Variants in FBXO42 observed in about 807,000 individuals in gnomAD.
The protein encoded by FBXO42 is F-box protein 42, also known as F-box only protein 42.
In FBXO42, 12 loss-of-function variants were observed where a neutral mutation model predicts 71.7. The observed-to-expected ratio is 0.17, with a 90% confidence interval of 0.11 to 0.27. The LOEUF (loss-of-function observed/expected upper bound fraction) is 0.27, where lower values mean the gene tolerates loss of function less well. Ranked by LOEUF, FBXO42 falls within the 10% of genes least tolerant of loss-of-function variation. FBXO42 has a pLI of 1.00. For synonymous variants in FBXO42, 325 were observed against 327.5 expected, an observed-to-expected ratio of 0.99 and a Z score of 0.08; for missense variants, 707 against 911.9, an observed-to-expected ratio of 0.78 and a Z score of 2.89.
chr1:16,266,971 G>A (rs1282758869), intron 4 of FBXO42, among the ~76,000 whole-genome samples: 2 of 152,144 alleles, frequency 1.3e-5, no homozygotes, highest in Non-Finnish European at 2.9e-5. Flanking sequence ...TGATTTTACA[G>A]GCAATACTTC....
At chr1:16,328,921 T>G (rs1252381701) in intron 1 of FBXO42, among the ~76,000 whole-genome samples, 4 of 151,792 alleles carry the variant, frequency 2.6e-5, no homozygotes, top group African/African-American at 9.7e-5. Flanking sequence ...TCCCAGCACT[T>G]TGGGAGGCTG....
At chr1:16,340,889 A>C (rs1227565897) in intron 1 of FBXO42, among the ~76,000 whole-genome samples, 2 of 152,178 alleles carry the variant, frequency 1.3e-5, no homozygotes, top group African/African-American at 4.8e-5. Context: ...AATGAGTAGC[A>C]AAAATAGAAA....
chr1:16,351,610 C>T (rs1416187577), intron 1 of FBXO42, among the ~76,000 whole-genome samples: 1 of 152,180 alleles, frequency 6.6e-6, no homozygotes, highest in Admixed American at 6.5e-5. Flanking sequence ...ATCGTTTTCT[C>T]TTCGCTTACA....
chr1:16,319,100 T>C (rs4661737), intron 1 of FBXO42, among the ~76,000 whole-genome samples: 41,503 of 152,046 alleles, frequency 0.27, 6,556 homozygotes, highest in Non-Finnish European at 0.37. Context: ...CTAGCACTGA[T>C]GAAAGGAAGA....
intron 4 of FBXO42, among the ~76,000 whole-genome samples, chr1:16,261,375 G>A (rs534787962): frequency 3.3e-5 from 5 of 152,150 alleles, no homozygotes; most frequent in African/African-American, 4.8e-5. Flanking sequence ...CCAAAACGAC[G>A]TCTCAGATAT....
chr1:16,252,498 G>C lies in FBXO42; in HGVS notation c.922-94C>G. On this transcript the variant is annotated intron_variant, in intron 8 of 9. Transcript: ENST00000375592. The surrounding 1 kb of genome is among the most constrained non-coding windows in gnomAD (Gnocchi z 4.4). ...TGCAGTCTCAAAGCTCTCCTGTCTG[G>C]TCTTGAAAGGATGTGGACTCTTCAG... is the stretch of plus-strand genomic sequence containing the variant. 2.0e-6 allele frequency: 2 copies of C among 988,686 alleles called. No individual in the cohort carries two copies. 61.2% of individuals were successfully genotyped at this position (988,686 alleles called of 1,614,324 possible). A position where few individuals can be genotyped will look rare whatever the true frequency, so the allele number is the denominator to read the frequency against.
chr1:16,286,266 A>T (rs2082020570), intron 4 of FBXO42, among the ~76,000 whole-genome samples: 1 of 152,146 alleles, frequency 6.6e-6, no homozygotes, highest in Non-Finnish European at 1.5e-5. Context: ...CAGTGCTATG[A>T]AGAAATACCC....
chr1:16,268,695 A>G (rs2081803989), intron 4 of FBXO42, among the ~76,000 whole-genome samples: 1 of 152,128 alleles, frequency 6.6e-6, no homozygotes, highest in African/African-American at 2.4e-5. Context: ...CGGGCACAGC[A>G]GCTCACGCCT....
Position 16,250,246 on chromosome 1 carries a change from T to G in FBXO42, c.*424A>C, listed in dbSNP as rs2081576963. 6.6e-6 allele frequency: 1 copy of G among 152,564 alleles called. No homozygotes were observed. The highest frequency in any genetic ancestry group is 2.1e-4 in the South Asian group (1 of 4,834). 9.5% of individuals were successfully genotyped at this position (152,564 alleles called of 1,614,324 possible). A position where few individuals can be genotyped will look rare whatever the true frequency, so the allele number is the denominator to read the frequency against. The stretch of plus-strand genomic sequence containing the variant: ...TCTAAAACCCTCCACCTTTGCAACT[T>G]ACATATGCCCTTTCATTTTTTAACT... On this transcript the variant is annotated 3_prime_UTR_variant, in exon 10 of 10. Coordinates refer to ENST00000375592, the MANE Select transcript of FBXO42 (RefSeq NM_018994.3). The surrounding 1 kb of genome is among the most constrained non-coding windows in gnomAD (Gnocchi z 4.7).
At chr1:16,269,374 C>T (rs2081814060) in intron 4 of FBXO42, among the ~76,000 whole-genome samples, 1 of 151,270 alleles carries the variant, frequency 6.6e-6, no homozygotes. Context: ...CAGGTATAAA[C>T]CACCGAACCC....
At chr1:16,297,348 T>C (rs2100536830) in intron 3 of FBXO42, among the ~76,000 whole-genome samples, 1 of 152,184 alleles carries the variant, frequency 6.6e-6, no homozygotes, top group Middle Eastern at 3.4e-3. Flanking sequence ...TAAGAGGTAA[T>C]GAAAGCAGTA....
intron 1 of FBXO42, among the ~76,000 whole-genome samples, chr1:16,344,542 G>A (rs1468723940): frequency 6.9e-6 from 1 of 145,268 alleles, no homozygotes; most frequent in African/African-American, 2.6e-5. Flanking sequence ...CCCCATGTTG[G>A]CCAGGCTGGT....
At chr1:16,259,925 G>A (rs1490095506) in intron 4 of FBXO42, among the ~76,000 whole-genome samples, 3 of 152,142 alleles carry the variant, frequency 2.0e-5, no homozygotes, top group Non-Finnish European at 4.4e-5. Context: ...GCCCAACAAA[G>A]TCACCACTGG....
At chr1:16,266,990 A>C (rs975124485) in intron 4 of FBXO42, among the ~76,000 whole-genome samples, 1 of 152,220 alleles carries the variant, frequency 6.6e-6, no homozygotes, top group African/African-American at 2.4e-5. Flanking sequence ...TCGTAAGGGC[A>C]ACAACAAAAG....
At chr1:16,333,439 C>CG (rs965893385) in intron 1 of FBXO42, among the ~76,000 whole-genome samples, 4 of 128,354 alleles carry the variant, frequency 3.1e-5, no homozygotes, top group African/African-American at 5.5e-5. Flanking sequence ...TAGTGAGACC[C>CG]CCCCCCCCCA....
At chr1:16,350,703 T>C (rs2082692004) in intron 1 of FBXO42, among the ~76,000 whole-genome samples, 1 of 129,250 alleles carries the variant, frequency 7.7e-6, no homozygotes. Context: ...GCCGAGACTG[T>C]GCTACTGCAC....
intron 4 of FBXO42, chr1:16,293,047 T>C (rs531611439): frequency 1.3e-5 from 2 of 152,378 alleles, no homozygotes; most frequent in African/African-American, 4.8e-5. Context: ...AAGTGCAATA[T>C]GGTATAAAGG....
chr1:16,311,503 A>ATATAT (rs1274920904), intron 2 of FBXO42, among the ~76,000 whole-genome samples: 91 of 65,502 alleles, frequency 1.4e-3, no homozygotes, highest in South Asian at 8.5e-3. Flanking sequence ...AAAAAAAAAA[A>ATATAT]ATATATATAT....
chr1:16,330,403 G>T (rs187953999), intron 1 of FBXO42, among the ~76,000 whole-genome samples: 42 of 151,954 alleles, frequency 2.8e-4, no homozygotes, highest in African/African-American at 9.2e-4. Context: ...AGCTACTTGG[G>T]GGCTGGGGTG....
Sources: gnomAD v4.1 joint callset for allele counts (sites outside exome capture counted in the v4.1 genomes callset) on GRCh38, gnomAD v4.1.1 for gene constraint, Gnocchi (gnomAD v3.1) non-coding constraint, MANE v1.5 for transcripts, NCBI Gene and HGNC (gene_info 2026-07-23, HGNC 2026-07-21) for gene names.